PRELID2: variants seen among roughly 807,000 people sequenced by gnomAD.
The protein encoded by PRELID2 is PRELI domain containing 2, also known as PRELI domain-containing protein 2.
Under a neutral mutation model 28.4 loss-of-function variants are expected in PRELID2, and 25 were observed. The ratio of observed to expected loss-of-function variants is 0.88; its 90% CI spans 0.64 to 1.23. The LOEUF (loss-of-function observed/expected upper bound fraction) is 1.23. PRELID2 is among the 50% of genes most tolerant of loss of function. The probability of loss-of-function intolerance (pLI) is 0.00; values close to 1 mark genes in which losing one functional copy is unlikely to be tolerated. For missense variants in PRELID2, 201 were observed against 214.4 expected (o/e 0.94, Z 0.39); for synonymous variants, 76 against 71.6 (o/e 1.06, Z -0.31).
At chr5:145,528,732 G>A (rs925338824) in intron 1 of PRELID2, among the ~76,000 whole-genome samples, 2 of 145,392 alleles carry the variant, frequency 1.4e-5, no homozygotes, top group East Asian at 2.0e-4. Context: ...CACACAGAGA[G>A]AGAGAGAGAG....
chr5:145,485,664 A>G (rs1324834266), intron 1 of PRELID2, among the ~76,000 whole-genome samples: 1 of 152,046 alleles, frequency 6.6e-6, no homozygotes, highest in Admixed American at 6.6e-5. Context: ...CCACCCATCC[A>G]TTCCACTCCC....
chr5:145,835,137 G>A (rs1218645955), intron 1 of PRELID2, 40 bp downstream of exon 1: 4 of 1,428,384 alleles, frequency 2.8e-6, no homozygotes, highest in South Asian at 1.2e-5. Flanking sequence ...GCAAGCAGCG[G>A]AGGCAGCGCG....
intron 1 of PRELID2, among the ~76,000 whole-genome samples, chr5:145,665,036 T>C (rs1754561051): frequency 6.6e-6 from 1 of 152,086 alleles, no homozygotes; most frequent in African/African-American, 2.4e-5. Flanking sequence ...GGATTAGGGC[T>C]CTTGCTTGCA....
At chr5:145,506,764 T>C (rs1301153020) in intron 1 of PRELID2, among the ~76,000 whole-genome samples, 1 of 152,172 alleles carries the variant, frequency 6.6e-6, no homozygotes, top group Non-Finnish European at 1.5e-5. Context: ...AATAATTCCA[T>C]CTGCCAGGCC....
At chr5:145,463,382 A>G in the PRELID2 span, among the ~76,000 whole-genome samples, 1 of 141,734 alleles carries the variant, frequency 7.1e-6, no homozygotes, top group African/African-American at 2.6e-5. Context: ...TTTAATTGAT[A>G]TGGTCCTGTC....
At chr5:145,443,290 G>T in the PRELID2 span, among the ~76,000 whole-genome samples, 1 of 151,914 alleles carries the variant, frequency 6.6e-6, no homozygotes. Flanking sequence ...CTATATCTCT[G>T]TGCTCTGCTT....
At chr5:145,284,002 T>A in the PRELID2 span, among the ~76,000 whole-genome samples, 1 of 152,276 alleles carries the variant, frequency 6.6e-6, no homozygotes, top group South Asian at 2.1e-4. Context: ...GAAGTAAAAG[T>A]GCCACGGTCA....
the PRELID2 span, among the ~76,000 whole-genome samples, chr5:145,406,337 T>C: frequency 6.6e-6 from 1 of 152,244 alleles, no homozygotes; most frequent in South Asian, 2.1e-4. Context: ...TTTTTATGTC[T>C]TTAATGTTTA....
rs150411422 is a variant in PRELID2, at chr5:145,746,512, G to A, written n.70+18419C>T. On this transcript the variant is annotated intron_variant and non_coding_transcript_variant, in intron 1 of 2. Coordinates refer to the PRELID2 transcript ENST00000510259. Reference sequence around the variant, plus strand: ...TAAATATATATATGTACCCAATACAGGAGCACCCAGATTCATAAAACAAGT... The same window carrying A: ...TAAATATATATATGTACCCAATACAAGAGCACCCAGATTCATAAAACAAGT... Among the ~76,000 whole-genome samples, 193 of 152,260 alleles carry A rather than the reference G, an allele frequency of 1.3e-3. 1 individual carries two copies. Among genetic ancestry groups the A allele is most frequent in the African/African-American group, 4.3e-3 (178 of 41,538 alleles).
intron 1 of PRELID2, among the ~76,000 whole-genome samples, chr5:145,674,023 T>G (rs535373189): frequency 2.6e-5 from 4 of 152,318 alleles, no homozygotes; most frequent in Admixed American, 6.5e-5. Context: ...CATCAGGTTT[T>G]TATTTTCCTA....
chr5:145,249,489 A>G, the PRELID2 span, among the ~76,000 whole-genome samples: 1 of 152,044 alleles, frequency 6.6e-6, no homozygotes, highest in African/African-American at 2.4e-5. Context: ...TTCCCCTTTT[A>G]CCAATGAAAG....
At chr5:145,296,489 A>G in the PRELID2 span, among the ~76,000 whole-genome samples, 52 of 151,886 alleles carry the variant, frequency 3.4e-4, no homozygotes, top group African/African-American at 9.2e-4. Flanking sequence ...ATGATTTCCA[A>G]TTTCATCCAT....
the PRELID2 span, among the ~76,000 whole-genome samples, chr5:145,447,247 ACAGTCAAAATC>A: frequency 3.3e-5 from 5 of 151,854 alleles, no homozygotes; most frequent in African/African-American, 1.2e-4. Context: ...TGTTTTTATA[ACAGTCAAAATC>A]CATCAGTGTT....
chr5:145,398,206 C>T, the PRELID2 span, among the ~76,000 whole-genome samples: 1 of 152,124 alleles, frequency 6.6e-6, no homozygotes, highest in African/African-American at 2.4e-5. Context: ...CAACTGGGCA[C>T]TCACTCACAT....
chr5:145,820,165 G>T, intron 2 of PRELID2, 147 bp from the exon 3 acceptor site: 2 of 570,560 alleles, frequency 3.5e-6, no homozygotes, highest in South Asian at 4.7e-5. Context: ...GCAATGGCAC[G>T]GTCTCGGCTC....
At chr5:145,767,556 G>T (rs1299196576) in intron 5 of PRELID2, among the ~76,000 whole-genome samples, 1 of 152,094 alleles carries the variant, frequency 6.6e-6, no homozygotes, top group East Asian at 1.9e-4. Flanking sequence ...CGCACTCCCT[G>T]GGGTTCTGAG....
chr5:145,686,486 A>T (rs1755040671), intron 1 of PRELID2, among the ~76,000 whole-genome samples: 2 of 152,106 alleles, frequency 1.3e-5, no homozygotes, highest in Non-Finnish European at 2.9e-5. Flanking sequence ...CCCCAGCCCC[A>T]CCTAAAAACG....
At chr5:145,385,430 C>T in the PRELID2 span, among the ~76,000 whole-genome samples, 14 of 152,182 alleles carry the variant, frequency 9.2e-5, no homozygotes, top group African/African-American at 3.4e-4. Context: ...TTTGGAAGTG[C>T]CGCTCAGATG....
At chr5:145,306,702 A>G in the PRELID2 span, among the ~76,000 whole-genome samples, 1 of 152,064 alleles carries the variant, frequency 6.6e-6, no homozygotes, top group Non-Finnish European at 1.5e-5. Context: ...TTATAATAAT[A>G]TAACTAGTGA....
Sources: gnomAD v4.1 joint callset for allele counts (sites outside exome capture counted in the v4.1 genomes callset) on GRCh38, gnomAD v4.1.1 for gene constraint, MANE v1.5 for transcripts, NCBI Gene and HGNC (gene_info 2026-07-23, HGNC 2026-07-21) for gene names.